ROBO2: variants seen among roughly 807,000 people sequenced by gnomAD.
The protein encoded by ROBO2 is roundabout guidance receptor 2, also known as roundabout homolog 2.
Under a neutral mutation model 160.8 loss-of-function variants are expected in ROBO2, and 53 were observed. The observed-to-expected ratio is 0.33, with a 90% confidence interval of 0.26 to 0.41. The LOEUF (loss-of-function observed/expected upper bound fraction) is 0.41, where lower values mean the gene tolerates loss of function less well. ROBO2 is among the 10% of genes least tolerant of loss of function. The probability of loss-of-function intolerance (pLI) is 1.00; values close to 1 mark genes in which losing one functional copy is unlikely to be tolerated. For synonymous variants in ROBO2, 664 were observed against 611.7 expected (o/e 1.09, Z -1.26); for missense variants, 1,577 against 1,722.4 (o/e 0.92, Z 1.49).
intron 2 of ROBO2, among the ~76,000 whole-genome samples, chr3:77,024,470 G>A (rs2062826006): frequency 6.6e-6 from 1 of 152,166 alleles, no homozygotes; most frequent in Non-Finnish European, 1.5e-5. Context: ...GCTACAAAGA[G>A]AAATTGTTTG....
intron 2 of ROBO2, among the ~76,000 whole-genome samples, chr3:76,173,611 TCTTTGG>T (rs1344149063): frequency 1.3e-5 from 2 of 152,026 alleles, no homozygotes; most frequent in Non-Finnish European, 2.9e-5. Context: ...GAACATTCAG[TCTTTGG>T]TTTTCTGTTC....
At chr3:77,632,667 T>C (rs1475428023) in intron 23 of ROBO2, 1 of 1,528,814 alleles carries the variant, frequency 6.5e-7, no homozygotes, top group Non-Finnish European at 8.7e-7. Flanking sequence ...GTTGGTAGAC[T>C]CCAAGTCAAC....
At chr3:76,418,109 A>G (rs986132826) in intron 2 of ROBO2, among the ~76,000 whole-genome samples, 30 of 151,840 alleles carry the variant, frequency 2.0e-4, no homozygotes, top group African/African-American at 7.0e-4. Flanking sequence ...AAATGCCTAT[A>G]TTAAAGAAAA....
intron 2 of ROBO2, among the ~76,000 whole-genome samples, chr3:76,241,957 T>C (rs531461419): frequency 6.6e-6 from 1 of 152,278 alleles, no homozygotes; most frequent in East Asian, 1.9e-4. Flanking sequence ...ATTTAAGGGA[T>C]ACTAGAACTG....
chr3:77,047,313 T>C (rs2064769427), intron 1 of ROBO2, among the ~76,000 whole-genome samples: 1 of 152,188 alleles, frequency 6.6e-6, no homozygotes. Context: ...TGCCTCAGTG[T>C]CCTTACCTGT....
At chr3:76,225,181 C>G (rs1221859885) in intron 2 of ROBO2, among the ~76,000 whole-genome samples, 3 of 152,084 alleles carry the variant, frequency 2.0e-5, no homozygotes, top group African/African-American at 7.2e-5. Context: ...ATAACAAAAA[C>G]AGTGGGGGCT....
rs556221857 is a variant in ROBO2, at chr3:76,957,678, A to G, written c.110-140336A>G. Among the ~76,000 whole-genome samples, 207 of 152,036 alleles carry G rather than the reference A, an allele frequency of 1.4e-3. 3 individuals carry two copies. The highest frequency in any genetic ancestry group is 0.013 in the Admixed American group (204 of 15,232). On this transcript the variant is annotated intron_variant, in intron 2 of 26. Transcript: ENST00000487694. ...AAACCCCGTCTCTACTAAAAATACA[A>G]AAATTAGCCTGGCGTGGTGGCACGT...
chr3:75,978,458 T>C (rs1559800105), intron 2 of ROBO2, among the ~76,000 whole-genome samples: 1 of 151,564 alleles, frequency 6.6e-6, no homozygotes, highest in Non-Finnish European at 1.5e-5. Flanking sequence ...TTTACCTATG[T>C]TTTACCAAAA....
chr3:76,546,943 T>C (rs2083140136), intron 2 of ROBO2, among the ~76,000 whole-genome samples: 1 of 152,096 alleles, frequency 6.6e-6, no homozygotes, highest in Non-Finnish European at 1.5e-5. Context: ...AAGCAATGCT[T>C]AGATTCACAG....
chr3:77,408,927 C>T (rs377652003), intron 2 of ROBO2, among the ~76,000 whole-genome samples: 13 of 151,626 alleles, frequency 8.6e-5, no homozygotes, highest in African/African-American at 3.1e-4. Flanking sequence ...AGAGGTAGGT[C>T]CTTGCTTTGT....
chr3:76,355,807 T>A (rs1344841743), intron 2 of ROBO2, among the ~76,000 whole-genome samples: 1 of 151,758 alleles, frequency 6.6e-6, no homozygotes, highest in Non-Finnish European at 1.5e-5. Flanking sequence ...TTTAAGGATA[T>A]CCCGTGCAGA....
chr3:76,316,981 A>C (rs556678597), intron 2 of ROBO2, among the ~76,000 whole-genome samples: 1 of 152,220 alleles, frequency 6.6e-6, no homozygotes, highest in Non-Finnish European at 1.5e-5. Context: ...TAACTTCCAG[A>C]TAAAATGCTT....
At chr3:77,228,490 G>GT (rs1285368901) in intron 2 of ROBO2, among the ~76,000 whole-genome samples, 1 of 150,498 alleles carries the variant, frequency 6.6e-6, no homozygotes. Flanking sequence ...GTGGTTGTTT[G>GT]TTTTTTTCTT....
intron 2 of ROBO2, among the ~76,000 whole-genome samples, chr3:77,283,356 A>C (rs1046179139): frequency 6.6e-6 from 1 of 152,224 alleles, no homozygotes; most frequent in Non-Finnish European, 1.5e-5. Flanking sequence ...ACATTGGAGC[A>C]GATGGATTGC....
At chr3:77,040,544 AGAGTGCTG>A in exon 1 of ROBO2, 1 of 1,393,596 alleles carries the variant, frequency 7.2e-7, no homozygotes, top group Non-Finnish European at 9.3e-7. Context: ...TTAGGAAGCC[AGAGTGCTG>A]GAAATACAGC....
chr3:76,570,744 C>T (rs1037443398), intron 2 of ROBO2, among the ~76,000 whole-genome samples: 1 of 152,062 alleles, frequency 6.6e-6, no homozygotes, highest in African/African-American at 2.4e-5. Context: ...ATAACTTGTG[C>T]AAGAATCGTC....
chr3:76,834,692 A>T (rs896359301), intron 2 of ROBO2, among the ~76,000 whole-genome samples: 1 of 152,022 alleles, frequency 6.6e-6, no homozygotes, highest in Non-Finnish European at 1.5e-5. Flanking sequence ...TTGTAGAAAC[A>T]TTGTCTTGCT....
chr3:77,084,237 A>G (rs1478719265), intron 1 of ROBO2, among the ~76,000 whole-genome samples: 1 of 152,122 alleles, frequency 6.6e-6, no homozygotes, highest in East Asian at 1.9e-4. Flanking sequence ...AAATTCAGTT[A>G]TTATTGCCTC....
intron 2 of ROBO2, among the ~76,000 whole-genome samples, chr3:77,331,823 A>T (rs2153442711): frequency 6.6e-6 from 1 of 152,202 alleles, no homozygotes; most frequent in East Asian, 1.9e-4. Context: ...CTCCTGCCTC[A>T]GCCTCCCGAG....
Sources: allele counts gnomAD v4.1 joint callset (sites outside exome capture counted in the v4.1 genomes callset), GRCh38; gene constraint gnomAD v4.1.1; transcripts MANE v1.5; gene names NCBI Gene and HGNC (gene_info 2026-07-23, HGNC 2026-07-21).